Variants in EPRS1 observed in about 807,000 individuals in gnomAD.
The protein encoded by EPRS1 is glutamyl-prolyl-tRNA synthetase 1.
Under a neutral mutation model 188.3 loss-of-function variants are expected in EPRS1, and 107 were observed. The observed-to-expected ratio is 0.57, with a 90% CI of 0.49 to 0.67. EPRS1 has a LOEUF of 0.67. EPRS1 is among the 30% of genes least tolerant of loss of function. The pLI, the probability that EPRS1 is intolerant of heterozygous loss-of-function variation, is 0.00. For synonymous variants in EPRS1, 596 were observed against 593.1 expected (o/e 1.00, Z -0.07); for missense variants, 1,577 against 1,802.2 (o/e 0.88, Z 2.26).
chr1:220,010,487 G>A (rs1195960659), intron 13 of EPRS1, among the ~76,000 whole-genome samples: 1 of 152,022 alleles, frequency 6.6e-6, no homozygotes, highest in African/African-American at 2.4e-5. Flanking sequence ...GATTTACTTC[G>A]ATTAGTATCA....
Position 220,033,638 on chromosome 1 carries a change from G to A in EPRS1, c.252C>T (p.Phe84=). 1 of 1,606,508 alleles carries A rather than the reference G, an allele frequency of 6.2e-7. No homozygotes were observed. The stretch of plus-strand genomic sequence containing the variant: ...CACATGAAGATAATTTTGTAGCACT[G>A]AACTCCAACCAGTGATCAATCTGTC... ...EHTEIDHWLE[F]SATKLSSCDS... is the part of the protein sequence containing the mutation. The change falls in exon 4 of 32, where the codon TTC becomes TTT. Residue 84 remains phenylalanine, a synonymous_variant. Transcript: ENST00000366923.
intron 21 of EPRS1, among the ~76,000 whole-genome samples, chr1:219,983,769 T>G (rs970056979): frequency 6.6e-6 from 1 of 151,916 alleles, no homozygotes; most frequent in Non-Finnish European, 1.5e-5. Flanking sequence ...AGCGTGTGCC[T>G]GTAGTCCCAG....
intron 2 of EPRS1, among the ~76,000 whole-genome samples, chr1:220,037,386 T>C (rs1644564381): frequency 1.3e-5 from 2 of 151,122 alleles, no homozygotes. Flanking sequence ...ATGCCTGTAA[T>C]CCCAGCTACT....
In EPRS1 at chr1:219,979,460, G is replaced by T. The variant is rs1179999063; in HGVS notation, c.3867C>A (p.Asp1289Glu). The stretch of plus-strand genomic sequence containing the variant: ...GGGGTGGTAATACTAAACCCATGTT[G>T]TCCCCATGAACCATGGTCATAACAC... The part of the protein sequence containing the change: ...TIGVMTMVHG[D>E]NMGLVLPPRV... The change falls in exon 27 of 32, where the codon GAC (aspartate) becomes GAA (glutamate). Residue 1289 changes from aspartate to glutamate, a missense_variant. By Grantham distance (45) the Asp-to-Glu change is conservative (BLOSUM62 2). This residue lies in a region of EPRS1 where 296 missense variants were observed against 327.9 expected (regional missense o/e 0.90). Transcript: ENST00000366923. 2 of 1,613,800 alleles carry T rather than the reference G, an allele frequency of 1.2e-6. No individual in the cohort carries two copies. Among genetic ancestry groups the T allele is most frequent in the Non-Finnish European group, 8.5e-7 (1 of 1,179,920 alleles).
intron 4 of EPRS1, 23 bp downstream of exon 4, chr1:220,033,479 G>T (rs771498038): frequency 3.9e-6 from 6 of 1,546,606 alleles, no homozygotes; most frequent in South Asian, 1.2e-5. Flanking sequence ...TTAAAACAGA[G>T]GATTATTAAG....
chr1:219,978,574 C>T lies in EPRS1; in HGVS notation c.4055G>A (p.Gly1352Asp), dbSNP rs1660823058. Residue 1352 changes from glycine to aspartate, a missense_variant, in exon 28 of 32, where the codon GGT becomes GAT. Coordinates refer to ENST00000366923, the MANE Select transcript of EPRS1 (RefSeq NM_004446.3). ...RADLRDNYSP[G>D]WKFNHWELKG... ...GAGCTCCCAGTGATTGAATTTCCAA[C>T]CTGGAGAATAATTATCTCGTAAATC... The T allele has an allele frequency of 6.3e-7, 1 of 1,581,200 alleles. No individual in the cohort carries two copies. The highest frequency in any genetic ancestry group is 8.6e-7 in the Non-Finnish European group (1 of 1,160,984).
Position 219,968,729 on chromosome 1 carries a change from G to A in EPRS1, c.*77C>T, listed in dbSNP as rs560915014. 1.2e-5 allele frequency: 16 copies of A among 1,344,210 alleles called. No individual in the cohort carries two copies. The highest frequency in any genetic ancestry group is 7.9e-5 in the Admixed American group (4 of 50,790). 83.3% of individuals were successfully genotyped at this position (1,344,210 alleles called of 1,614,324 possible). A position where few individuals can be genotyped will look rare whatever the true frequency, so the allele number is the denominator to read the frequency against. ...TTTACTTTTTAAAAAATCATAAAACGGTCTGTATCTGAGAAGATACTAATA... is the reference window on the plus strand; with the variant it reads ...TTTACTTTTTAAAAAATCATAAAACAGTCTGTATCTGAGAAGATACTAATA... On this transcript the variant is annotated 3_prime_UTR_variant, in exon 32 of 32. Transcript: ENST00000366923.
chr1:220,041,286 T>C (rs566164035), intron 1 of EPRS1, among the ~76,000 whole-genome samples: 1 of 151,824 alleles, frequency 6.6e-6, no homozygotes, highest in African/African-American at 2.4e-5. Flanking sequence ...GAGCCCTGAT[T>C]GCACCACTGC....
At chr1:220,038,745 C>G (rs1184941096) in intron 2 of EPRS1, among the ~76,000 whole-genome samples, 1 of 152,050 alleles carries the variant, frequency 6.6e-6, no homozygotes, top group East Asian at 1.9e-4. Flanking sequence ...CAAAGTAAAT[C>G]ATCAGAATAA....
intron 15 of EPRS1, 80 bp from the exon 16 acceptor site, chr1:220,005,440 C>A (rs1358789632): frequency 4.3e-6 from 3 of 698,868 alleles, no homozygotes; most frequent in East Asian, 5.6e-5. Flanking sequence ...GCAGTTTCCA[C>A]TAACTAAAAT....
intron 30 of EPRS1, among the ~76,000 whole-genome samples, chr1:219,971,799 T>C (rs374263061): frequency 0.37 from 41,486 of 111,670 alleles, 9,506 homozygotes; most frequent in East Asian, 0.42. Flanking sequence ...TATATATACA[T>C]ATACACACAC....
At chr1:219,993,187 C>A (rs777993932) in intron 18 of EPRS1, among the ~76,000 whole-genome samples, 7 of 151,978 alleles carry the variant, frequency 4.6e-5, no homozygotes, top group Non-Finnish European at 1.0e-4. Flanking sequence ...CATGATCAAG[C>A]CACTGCACTC....
rs1311547896 is a variant in EPRS1, at chr1:219,979,513, A to G, written c.3814T>C (p.Ser1272Pro). The stretch of plus-strand genomic sequence containing the variant: ...ATAGTTCGAGTTGTCAGGCCCCAGG[A>G]GTTTTGATAGGCAAATTGCTTCTCT... ...PGEKQFAYQN[S>P]WGLTTRTIGV... The change falls in exon 27 of 32, where the codon TCC (serine) becomes CCC (proline). Residue 1272 changes from serine (S) to proline (P), a missense_variant. Transcript: ENST00000366923. 6.2e-7 allele frequency: 1 copy of G among 1,614,026 alleles called. No individual in the cohort carries two copies. Among genetic ancestry groups the G allele is most frequent in the South Asian group, 1.1e-5 (1 of 91,078 alleles).
intron 17 of EPRS1, among the ~76,000 whole-genome samples, chr1:219,998,318 G>C (rs1163251146): frequency 6.6e-6 from 1 of 152,012 alleles, no homozygotes; most frequent in Non-Finnish European, 1.5e-5. Flanking sequence ...AGCTGTATCA[G>C]AGTTGCATTT....
chr1:220,040,025 C>T (rs964059012), intron 2 of EPRS1, among the ~76,000 whole-genome samples, 160 bp downstream of exon 2: 1 of 151,996 alleles, frequency 6.6e-6, no homozygotes, highest in Non-Finnish European at 1.5e-5. Flanking sequence ...CCTAGCTACT[C>T]GGGAGGCTGG....
intron 19 of EPRS1, 74 bp from the exon 20 acceptor site, chr1:219,987,478 A>T: frequency 8.0e-7 from 1 of 1,244,826 alleles, no homozygotes; most frequent in Non-Finnish European, 1.1e-6. Context: ...ACTTAAACAA[A>T]TACAATGCTC....
At chr1:220,018,388 T>C in intron 12 of EPRS1, 61 bp downstream of exon 12, 1 of 1,286,056 alleles carries the variant, frequency 7.8e-7, no homozygotes, top group Non-Finnish European at 1.1e-6. Flanking sequence ...TAATGACTTC[T>C]ACTTGTACAT....
chr1:219,981,696 T>G (rs1391969638), intron 23 of EPRS1, among the ~76,000 whole-genome samples: 2 of 152,248 alleles, frequency 1.3e-5, no homozygotes, highest in African/African-American at 2.4e-5. Context: ...TTTTACATTC[T>G]TCACAGATTT....
chr1:220,029,268 A>G (rs1024152108), intron 6 of EPRS1, among the ~76,000 whole-genome samples: 2 of 152,124 alleles, frequency 1.3e-5, no homozygotes, highest in African/African-American at 4.8e-5. Flanking sequence ...GCCTGAATCC[A>G]CTTAGTCAAT....
Sources: gnomAD v4.1 joint callset for allele counts (sites outside exome capture counted in the v4.1 genomes callset) on GRCh38, gnomAD v4.1.1 for gene constraint, gnomAD v4.1.1 regional missense constraint, MANE v1.5 for transcripts, NCBI Gene and HGNC (gene_info 2026-07-23, HGNC 2026-07-21) for gene names.